Variants in ACTL8 observed in about 807,000 individuals in gnomAD.
ACTL8 encodes the protein actin like 8, also known as actin-like protein 8.
In ACTL8, 3 loss-of-function variants were observed where a neutral mutation model predicts 9.3. The ratio of observed to expected loss-of-function variants is 0.32; its 90% CI spans 0.15 to 0.83. The LOEUF is 0.83. Ranked by LOEUF, ACTL8 falls within the 40% of genes least tolerant of loss-of-function variation. The pLI is 0.57. For missense variants in ACTL8, 381 were observed against 492.2 expected, an observed-to-expected ratio of 0.77 and a Z score of 2.14; for synonymous variants, 224 against 205.9, an observed-to-expected ratio of 1.09 and a Z score of -0.75.
At chr1:17,762,169 T>C (rs2066010804) in intron 1 of ACTL8, among the ~76,000 whole-genome samples, 1 of 152,022 alleles carries the variant, frequency 6.6e-6, no homozygotes, top group South Asian at 2.1e-4. Context: ...GAGTCCGGCA[T>C]AACTGAGTTC....
At chr1:17,777,094 G>A (rs2066123973) in intron 1 of ACTL8, among the ~76,000 whole-genome samples, 2 of 147,446 alleles carry the variant, frequency 1.4e-5, no homozygotes, top group Admixed American at 7.0e-5. Flanking sequence ...CTCCCAAAGT[G>A]CTGAGATTAC....
intron 1 of ACTL8, among the ~76,000 whole-genome samples, chr1:17,760,671 C>T (rs981094364): frequency 1.3e-5 from 2 of 152,128 alleles, no homozygotes; most frequent in African/African-American, 2.4e-5. Flanking sequence ...CACAGCTGCC[C>T]GTTGCTGTGC....
intron 1 of ACTL8, among the ~76,000 whole-genome samples, chr1:17,799,853 T>C (rs1409169738): frequency 1.3e-5 from 2 of 151,900 alleles, no homozygotes; most frequent in South Asian, 2.1e-4. Context: ...ATCCATCCTT[T>C]TTCCTCCGGT....
At chr1:17,802,232 G>C (rs1242110238) in intron 1 of ACTL8, among the ~76,000 whole-genome samples, 1 of 152,146 alleles carries the variant, frequency 6.6e-6, no homozygotes, top group African/African-American at 2.4e-5. Flanking sequence ...CCCTCCTTCT[G>C]TCGACAGCAC....
In ACTL8 at chr1:17,826,914, T is replaced by C. The variant is rs1172063023; in HGVS notation, c.*395T>C. 1 of 157,582 alleles carries C rather than the reference T, an allele frequency of 6.3e-6. No homozygotes were observed. The highest frequency in any genetic ancestry group is 6.4e-5 in the Admixed American group (1 of 15,506). 9.8% of individuals were successfully genotyped at this position (157,582 alleles called of 1,614,324 possible). A position where few individuals can be genotyped will look rare whatever the true frequency, so the allele number is the denominator to read the frequency against. On this transcript the variant is annotated 3_prime_UTR_variant, in exon 3 of 3. Transcript: ENST00000375406. This position sits in a 1 kb window ranked among gnomAD's most constrained non-coding sequence, Gnocchi z 4.5. ...TCCTGCTAGGAGTCCCAATTATTTTTGACTAGGGGATGGGGGACAGTTGAC... is the reference window on the plus strand; with the variant it reads ...TCCTGCTAGGAGTCCCAATTATTTTCGACTAGGGGATGGGGGACAGTTGAC...
chr1:17,782,812 A>G (rs531135154), intron 1 of ACTL8, among the ~76,000 whole-genome samples: 49 of 152,360 alleles, frequency 3.2e-4, no homozygotes, highest in African/African-American at 1.0e-3. Context: ...AAAGCACTTT[A>G]CTGATGTACA....
chr1:17,820,263 CG>C (rs2053645274), intron 1 of ACTL8, among the ~76,000 whole-genome samples: 2 of 152,044 alleles, frequency 1.3e-5, no homozygotes, highest in Non-Finnish European at 2.9e-5. Context: ...TACAGTTTGT[CG>C]TCTTTGGGGT....
At chr1:17,824,236 C>A (rs1219903709) in intron 2 of ACTL8, among the ~76,000 whole-genome samples, 1 of 152,142 alleles carries the variant, frequency 6.6e-6, no homozygotes, top group East Asian at 1.9e-4. Context: ...CCCAGTGAGC[C>A]AAATCCGGCC....
chr1:17,790,099 G>A (rs1036207964), intron 1 of ACTL8, among the ~76,000 whole-genome samples: 1 of 152,222 alleles, frequency 6.6e-6, no homozygotes, highest in Non-Finnish European at 1.5e-5. Context: ...GCCAGCACAG[G>A]TGCCAGCTCT....
At chr1:17,796,675 C>T (rs1306717610) in intron 1 of ACTL8, among the ~76,000 whole-genome samples, 2 of 152,240 alleles carry the variant, frequency 1.3e-5, no homozygotes, top group African/African-American at 4.8e-5. Context: ...TCACAGCTAC[C>T]CTGTGGCTCA....
intron 1 of ACTL8, among the ~76,000 whole-genome samples, chr1:17,782,504 A>G (rs2066163767): frequency 6.6e-6 from 1 of 152,216 alleles, no homozygotes; most frequent in Non-Finnish European, 1.5e-5. Flanking sequence ...CACGGCGGCC[A>G]CCTGGGTATA....
At chr1:17,815,461 A>G (rs2066420453) in intron 1 of ACTL8, among the ~76,000 whole-genome samples, 1 of 152,002 alleles carries the variant, frequency 6.6e-6, no homozygotes, top group Non-Finnish European at 1.5e-5. Flanking sequence ...AGTCCTTTAA[A>G]GATGCCTGAC....
intron 1 of ACTL8, among the ~76,000 whole-genome samples, chr1:17,789,178 C>G (rs1056468808): frequency 6.6e-6 from 1 of 152,176 alleles, no homozygotes; most frequent in African/African-American, 2.4e-5. Flanking sequence ...GACAACTGCT[C>G]TTAGTGGCAT....
chr1:17,806,329 G>A (rs771608048), intron 1 of ACTL8, among the ~76,000 whole-genome samples: 10 of 152,192 alleles, frequency 6.6e-5, no homozygotes, highest in Non-Finnish European at 1.3e-4. Flanking sequence ...GTTAAGAAGA[G>A]GCATAATTAA....
chr1:17,809,980 C>T (rs572926590), intron 1 of ACTL8, among the ~76,000 whole-genome samples: 1 of 152,320 alleles, frequency 6.6e-6, no homozygotes, highest in African/African-American at 2.4e-5. Flanking sequence ...CTAGATTTAA[C>T]TGCAGTTTGT....
intron 1 of ACTL8, among the ~76,000 whole-genome samples, chr1:17,800,664 C>T (rs797017058): frequency 6.5e-5 from 9 of 139,284 alleles, no homozygotes; most frequent in African/African-American, 2.4e-4. Flanking sequence ...GGCGTGATCT[C>T]GGCTCACCAC....
chr1:17,759,338 G>A (rs1158329834), intron 1 of ACTL8, among the ~76,000 whole-genome samples: 2 of 152,240 alleles, frequency 1.3e-5, no homozygotes, highest in South Asian at 2.1e-4. Flanking sequence ...CACAGGGCCT[G>A]CTCCTGCAGC....
In ACTL8 at chr1:17,825,952, G is replaced by A. The variant is rs770491376; in HGVS notation, c.534G>A (p.Gln178=). 6.2e-7 allele frequency: 1 copy of A among 1,610,830 alleles called. No individual in the cohort carries two copies. Among genetic ancestry groups the A allele is most frequent in the Non-Finnish European group, 8.5e-7 (1 of 1,180,030 alleles). ...GCAAGACGCTGGAGTTCGCCGGCCA[G>A]GATCTCTCCGCCTATCTCCTCAAGA... ...ASGKTLEFAG[Q]DLSAYLLKSL... Residue 178 remains glutamine, a synonymous_variant, in exon 3 of 3, where the codon CAG becomes CAA. Transcript: ENST00000375406.
At chr1:17,812,741 C>T (rs1291955264) in intron 1 of ACTL8, among the ~76,000 whole-genome samples, 2 of 151,958 alleles carry the variant, frequency 1.3e-5, no homozygotes, top group Non-Finnish European at 2.9e-5. Context: ...AACCCACCCG[C>T]CTCAGCCTCC....
Sources: gnomAD v4.1 joint callset for allele counts (sites outside exome capture counted in the v4.1 genomes callset) on GRCh38, gnomAD v4.1.1 for gene constraint, Gnocchi (gnomAD v3.1) non-coding constraint, MANE v1.5 for transcripts, NCBI Gene and HGNC (gene_info 2026-07-23, HGNC 2026-07-21) for gene names.